MCC: variants seen among roughly 807,000 people sequenced by gnomAD.
The protein encoded by MCC is colorectal mutant cancer protein.
MCC carries 90 observed loss-of-function variants against 116.2 expected under a neutral mutation model. The observed-to-expected ratio is 0.77, with a 90% confidence interval of 0.65 to 0.92. The LOEUF is 0.92. Among genes scored for constraint, MCC ranks in the 40% least tolerant of loss-of-function variants. The probability of loss-of-function intolerance (pLI) is 0.00; values close to 1 mark genes in which losing one functional copy is unlikely to be tolerated. For synonymous variants in MCC, 578 were observed against 510.5 expected, an observed-to-expected ratio of 1.13 and a Z score of -1.78; for missense variants, 1,516 against 1,312.2, an observed-to-expected ratio of 1.16 and a Z score of -2.40.
At chr5:113,031,140 G>GT (rs1358629589) in intron 17 of MCC, among the ~76,000 whole-genome samples, 1 of 152,124 alleles carries the variant, frequency 6.6e-6, no homozygotes, top group Non-Finnish European at 1.5e-5. Flanking sequence ...GAATTACAAC[G>GT]TAAAATCCAG....
chr5:113,172,398 T>C (rs1761117982), intron 3 of MCC, among the ~76,000 whole-genome samples: 1 of 152,248 alleles, frequency 6.6e-6, no homozygotes, highest in Non-Finnish European at 1.5e-5. Context: ...AGCTTCATTT[T>C]CCCTTCTCAC....
At chr5:113,249,087 C>T (rs1304148745) in intron 3 of MCC, among the ~76,000 whole-genome samples, 3 of 152,066 alleles carry the variant, frequency 2.0e-5, no homozygotes, top group African/African-American at 7.2e-5. Context: ...CGTGATCTGC[C>T]TGCCTCGGCC....
At chr5:113,214,046 T>C (rs573322870) in intron 3 of MCC, among the ~76,000 whole-genome samples, 37 of 152,300 alleles carry the variant, frequency 2.4e-4, no homozygotes, top group Middle Eastern at 3.4e-3. Flanking sequence ...AATAGTATTA[T>C]TGTCTCTCTC....
intron 1 of MCC, among the ~76,000 whole-genome samples, chr5:113,486,572 G>A (rs189638512): frequency 1.2e-4 from 19 of 152,280 alleles, no homozygotes; most frequent in Admixed American, 3.9e-4. Context: ...TGCGGGGAGC[G>A]GTGGCTCAGG....
chr5:113,055,892 C>T (rs1290138445), intron 14 of MCC, among the ~76,000 whole-genome samples: 3 of 152,162 alleles, frequency 2.0e-5, no homozygotes, highest in African/African-American at 7.2e-5. Context: ...ACAGGTCCCC[C>T]AAAAGGGAAA....
intron 14 of MCC, among the ~76,000 whole-genome samples, chr5:113,056,731 T>TA (rs11461704): frequency 0.031 from 4,536 of 148,672 alleles, 258 homozygotes; most frequent in African/African-American, 0.11. Flanking sequence ...AAAATAAAAG[T>TA]AAAAAAAAAA....
chr5:113,253,556 GA>G (rs1581322121), intron 3 of MCC, among the ~76,000 whole-genome samples: 1 of 152,242 alleles, frequency 6.6e-6, no homozygotes, highest in East Asian at 1.9e-4. Flanking sequence ...CCTAGTGAAA[GA>G]AAAGGCCAAC....
chr5:113,346,881 T>C (rs1768146791), intron 2 of MCC, among the ~76,000 whole-genome samples: 1 of 151,908 alleles, frequency 6.6e-6, no homozygotes, highest in Non-Finnish European at 1.5e-5. Context: ...GGAAGCAGAC[T>C]TCTCAGTGTA....
intron 1 of MCC, chr5:113,433,714 C>CA: frequency 1.9e-6 from 3 of 1,598,674 alleles, no homozygotes; most frequent in Non-Finnish European, 2.6e-6. Context: ...AGCTCCATCT[C>CA]ATTCCCTGGG....
intron 3 of MCC, among the ~76,000 whole-genome samples, chr5:113,157,045 T>A (rs746433486): frequency 6.6e-6 from 1 of 152,086 alleles, no homozygotes; most frequent in Non-Finnish European, 1.5e-5. Flanking sequence ...TTCCGTTACA[T>A]ATCTGCTGTG....
chr5:113,158,930 T>G (rs1372539621), intron 3 of MCC, among the ~76,000 whole-genome samples: 1 of 152,056 alleles, frequency 6.6e-6, no homozygotes, highest in African/African-American at 2.4e-5. Context: ...TGTGTCCATG[T>G]ATGTGTGTGT....
At chr5:113,098,518 T>C (rs1453246955) in intron 8 of MCC, among the ~76,000 whole-genome samples, 1 of 152,220 alleles carries the variant, frequency 6.6e-6, no homozygotes, top group Non-Finnish European at 1.5e-5. Context: ...CAATTCTTTA[T>C]GTGTGAGGAA....
intron 1 of MCC, among the ~76,000 whole-genome samples, chr5:113,385,642 A>C (rs1013003964): frequency 6.6e-6 from 1 of 152,256 alleles, no homozygotes. Flanking sequence ...AAGAACCAAC[A>C]GAGATTTTAA....
Position 113,049,221 on chromosome 5 carries a change from G to T in MCC, c.2527C>A (p.Arg843=), listed in dbSNP as rs139015770. 1 of 1,613,930 alleles carries T rather than the reference G, an allele frequency of 6.2e-7. No individual in the cohort carries two copies. Among genetic ancestry groups the T allele is most frequent in the Non-Finnish European group, 8.5e-7 (1 of 1,179,958 alleles). ...AGGTAGGCCTGCTCCTGGGCCTCCC[G>T]CGTGCTCAGCTTCAGCTCCAGGGCC... ...KKALELKLST[R]EAQEQAYLVH... is the part of the protein sequence containing the mutation. The change falls in exon 16 of 19, where the codon CGG becomes AGG. Residue 843 remains arginine, a synonymous_variant. Coordinates refer to ENST00000408903, the MANE Select transcript of MCC (RefSeq NM_001085377.2).
chr5:113,072,709 G>A (rs1044365289), intron 11 of MCC, among the ~76,000 whole-genome samples: 4 of 152,102 alleles, frequency 2.6e-5, no homozygotes, highest in Non-Finnish European at 4.4e-5. Flanking sequence ...CTGTCCCGGG[G>A]TCCCCTCTGC....
intron 5 of MCC, among the ~76,000 whole-genome samples, chr5:113,139,569 A>G (rs1319498848): frequency 1.3e-5 from 2 of 152,198 alleles, no homozygotes; most frequent in African/African-American, 4.8e-5. Flanking sequence ...ATCTCACACC[A>G]GTTAGAATGG....
chr5:113,032,283 C>G (rs930687334), intron 17 of MCC, among the ~76,000 whole-genome samples: 3 of 152,052 alleles, frequency 2.0e-5, no homozygotes, highest in African/African-American at 7.2e-5. Context: ...TGGCGCTTGC[C>G]TGTAATCTCA....
At chr5:113,450,739 G>A (rs1041535602) in intron 1 of MCC, among the ~76,000 whole-genome samples, 15 of 152,166 alleles carry the variant, frequency 9.9e-5, no homozygotes, top group South Asian at 6.2e-4. Flanking sequence ...ATGTACCTAC[G>A]TGCTGAGAAA....
intron 3 of MCC, among the ~76,000 whole-genome samples, chr5:113,173,776 T>A (rs1761189409): frequency 6.6e-6 from 1 of 152,216 alleles, no homozygotes; most frequent in African/African-American, 2.4e-5. Context: ...GAAATCAAAG[T>A]GACCTAGAAC....
Sources: allele counts gnomAD v4.1 joint callset (sites outside exome capture counted in the v4.1 genomes callset), GRCh38; gene constraint gnomAD v4.1.1; transcripts MANE v1.5; gene names NCBI Gene and HGNC (gene_info 2026-07-23, HGNC 2026-07-21).